The following CNTNAP5 variants were observed in gnomAD, a reference collection of about 807,000 sequenced individuals.
The protein encoded by CNTNAP5 is contactin-associated protein-like 5.
In CNTNAP5, 72 loss-of-function variants were observed where a neutral mutation model predicts 150.2. The observed-to-expected ratio is 0.48, with a 90% CI of 0.40 to 0.58. The LOEUF (loss-of-function observed/expected upper bound fraction) is 0.58, where lower values mean the gene tolerates loss of function less well. Ranked by LOEUF, CNTNAP5 falls within the 20% of genes least tolerant of loss-of-function variation. The pLI, the probability that CNTNAP5 is intolerant of heterozygous loss-of-function variation, is 0.00. For missense variants in CNTNAP5, 1,636 were observed against 1,626.2 expected, an observed-to-expected ratio of 1.01 and a Z score of -0.10; for synonymous variants, 672 against 619.8, an observed-to-expected ratio of 1.08 and a Z score of -1.25.
At chr2:124,600,223 T>A (rs1333997595) in intron 11 of CNTNAP5, among the ~76,000 whole-genome samples, 1 of 152,164 alleles carries the variant, frequency 6.6e-6, no homozygotes, top group Non-Finnish European at 1.5e-5. Context: ...AATGGCTCTG[T>A]AAGCCAGCAG....
At chr2:124,027,318 A>G (rs749357349) in intron 1 of CNTNAP5, among the ~76,000 whole-genome samples, 3 of 152,218 alleles carry the variant, frequency 2.0e-5, no homozygotes, top group Non-Finnish European at 2.9e-5. Context: ...AGAACACTAG[A>G]GGTCAGTATT....
intron 11 of CNTNAP5, among the ~76,000 whole-genome samples, chr2:124,576,346 C>T (rs539063359): frequency 6.6e-6 from 1 of 152,194 alleles, no homozygotes; most frequent in East Asian, 1.9e-4. Context: ...TTCCCTTGTT[C>T]CTGTCTGCTT....
chr2:124,810,378 G>C (rs1029253985), intron 19 of CNTNAP5, among the ~76,000 whole-genome samples: 3 of 152,142 alleles, frequency 2.0e-5, no homozygotes, highest in South Asian at 2.1e-4. Flanking sequence ...TTCTTGACAG[G>C]CTGGTTTTTT....
chr2:124,244,049 T>C (rs987351089), intron 3 of CNTNAP5, among the ~76,000 whole-genome samples: 4 of 152,186 alleles, frequency 2.6e-5, no homozygotes, highest in East Asian at 3.9e-4. Context: ...TGGTTGTCTT[T>C]AGATTGAGTT....
At chr2:124,380,279 C>T (rs937603939) in intron 3 of CNTNAP5, among the ~76,000 whole-genome samples, 3 of 152,038 alleles carry the variant, frequency 2.0e-5, no homozygotes, top group Admixed American at 6.6e-5. Flanking sequence ...TGAGAATTTC[C>T]ATGAGAGATA....
At chr2:124,702,979 T>A (rs11684422) in intron 13 of CNTNAP5, among the ~76,000 whole-genome samples, 22,185 of 152,180 alleles carry the variant, frequency 0.15, 1,780 homozygotes, top group Middle Eastern at 0.19. Flanking sequence ...AGATGTTTAC[T>A]TTATAATGTT....
At chr2:124,631,867 A>G (rs553027473) in intron 12 of CNTNAP5, among the ~76,000 whole-genome samples, 1 of 152,290 alleles carries the variant, frequency 6.6e-6, no homozygotes, top group Admixed American at 6.5e-5. Context: ...ACTTAAGCAA[A>G]CTCACAAGAA....
chr2:124,581,386 A>G (rs1419546927), intron 11 of CNTNAP5, among the ~76,000 whole-genome samples: 1 of 152,158 alleles, frequency 6.6e-6, no homozygotes, highest in Non-Finnish European at 1.5e-5. Flanking sequence ...AAAAAGTCCA[A>G]TCCTCTAATT....
chr2:124,812,521 T>C (rs1236106256), intron 19 of CNTNAP5, among the ~76,000 whole-genome samples: 1 of 152,126 alleles, frequency 6.6e-6, no homozygotes, highest in Non-Finnish European at 1.5e-5. Flanking sequence ...GCATTTGACA[T>C]CAACCCAGAC....
intron 3 of CNTNAP5, among the ~76,000 whole-genome samples, chr2:124,393,731 A>T (rs1048282751): frequency 6.6e-6 from 1 of 152,172 alleles, no homozygotes; most frequent in African/African-American, 2.4e-5. Flanking sequence ...GCGGGGCAGG[A>T]TGTAGTTCTG....
At chr2:124,903,608 A>G (rs1470880943) in intron 22 of CNTNAP5, among the ~76,000 whole-genome samples, 1 of 152,204 alleles carries the variant, frequency 6.6e-6, no homozygotes, top group African/African-American at 2.4e-5. Flanking sequence ...TATCACAATT[A>G]AATTAATCAA....
At chr2:124,411,313 G>A (rs1442157370) in intron 3 of CNTNAP5, among the ~76,000 whole-genome samples, 2 of 152,064 alleles carry the variant, frequency 1.3e-5, no homozygotes, top group African/African-American at 2.4e-5. Flanking sequence ...GGAGGAACTG[G>A]TACCATTCCT....
intron 19 of CNTNAP5, among the ~76,000 whole-genome samples, chr2:124,849,876 C>A (rs1034023444): frequency 6.6e-6 from 1 of 152,074 alleles, no homozygotes; most frequent in African/African-American, 2.4e-5. Flanking sequence ...AAATAATTTT[C>A]ATTAAATGTT....
At chr2:124,508,396 G>A (rs1009339820) in intron 8 of CNTNAP5, among the ~76,000 whole-genome samples, 1 of 152,278 alleles carries the variant, frequency 6.6e-6, no homozygotes, top group Non-Finnish European at 1.5e-5. Flanking sequence ...AAAGAAAAAC[G>A]TGAGCTGGCA....
intron 13 of CNTNAP5, among the ~76,000 whole-genome samples, chr2:124,693,608 G>C (rs548353963): frequency 2.6e-5 from 4 of 152,024 alleles, no homozygotes; most frequent in Non-Finnish European, 5.9e-5. Flanking sequence ...ACACGTGTTA[G>C]TTACTCTGTT....
At position 124,283,116 on chromosome 2, in the gene CNTNAP5, T is replaced by G. The variant is rs181224082; in HGVS notation, c.381+40723T>G. On this transcript the variant is annotated intron_variant, in intron 3 of 23. Transcript: ENST00000682447. ...TGCTTGCCTAGGCAGGAGCAAATCTTTTTTCCACTGTATGAATTTGTGGAG... is the reference window on the plus strand; with the variant it reads ...TGCTTGCCTAGGCAGGAGCAAATCTGTTTTCCACTGTATGAATTTGTGGAG... 9.6e-4 allele frequency among the ~76,000 whole-genome samples: 146 copies of G among 152,264 alleles called. 2 individuals carry two copies. The highest frequency in any genetic ancestry group is 6.8e-3 in the Middle Eastern group (2 of 294).
chr2:124,700,138 T>C, intron 13 of CNTNAP5, among the ~76,000 whole-genome samples: 1 of 152,210 alleles, frequency 6.6e-6, no homozygotes, highest in East Asian at 1.9e-4. Flanking sequence ...GTTTCTGGCT[T>C]CTTCCACTTA....
intron 1 of CNTNAP5, among the ~76,000 whole-genome samples, chr2:124,083,683 C>T (rs1332878790): frequency 1.3e-5 from 2 of 152,062 alleles, no homozygotes; most frequent in African/African-American, 2.4e-5. Context: ...CTTTCTACCA[C>T]GTTCACAGTC....
At chr2:124,262,425 T>C (rs1244930926) in intron 3 of CNTNAP5, among the ~76,000 whole-genome samples, 5 of 152,210 alleles carry the variant, frequency 3.3e-5, no homozygotes, top group African/African-American at 1.2e-4. Flanking sequence ...TAGAGTTTTC[T>C]ATGACAAGCG....
Sources: allele counts gnomAD v4.1 joint callset (sites outside exome capture counted in the v4.1 genomes callset), GRCh38; gene constraint gnomAD v4.1.1; transcripts MANE v1.5; gene names NCBI Gene and HGNC (gene_info 2026-07-23, HGNC 2026-07-21).